The following SOX13 variants were observed in gnomAD, a reference collection of about 807,000 sequenced individuals.
SOX13 encodes SRY-box transcription factor 13.
SOX13 carries 28 observed loss-of-function variants against 71.8 expected under a neutral mutation model. That is an observed-to-expected ratio of 0.39 (90% confidence interval 0.29 to 0.53). SOX13 has a LOEUF of 0.53. SOX13 is among the 20% of genes least tolerant of loss of function. The pLI, the probability that SOX13 is intolerant of heterozygous loss-of-function variation, is 0.70. For missense variants in SOX13, 627 were observed against 810.3 expected (o/e 0.77, Z 2.75); for synonymous variants, 309 against 317.8 (o/e 0.97, Z 0.29).
At chr1:204,084,214 C>T (rs1450663510) in intron 1 of SOX13, among the ~76,000 whole-genome samples, 2 of 152,158 alleles carry the variant, frequency 1.3e-5, no homozygotes, top group South Asian at 2.1e-4. Context: ...CACTACCATA[C>T]GTGGGGGCCC....
At chr1:204,110,304 T>G (rs186707465) in intron 1 of SOX13, among the ~76,000 whole-genome samples, 256 of 149,720 alleles carry the variant, frequency 1.7e-3, no homozygotes, top group African/African-American at 6.1e-3. Flanking sequence ...ATTTTTGTAT[T>G]CTTTTGTAGA....
Position 204,126,138 on chromosome 1 carries a change from C to CG in SOX13, c.*6dup. ...GTTGGTGGTGCTCACAGACTGATCC[C>CG]GGCTGGGTGGGCCTGGCCCCTTCTC... On this transcript the variant is annotated 3_prime_UTR_variant, in exon 14 of 14. Coordinates refer to ENST00000367204, the MANE Select transcript of SOX13 (RefSeq NM_005686.3). The CG allele has an allele frequency of 1.2e-6, 2 of 1,612,216 alleles. No individual in the cohort carries two copies. The highest frequency in any genetic ancestry group is 1.7e-6 in the Non-Finnish European group (2 of 1,178,580).
At chr1:204,105,425 A>ATTTT (rs1461685972) in intron 1 of SOX13, among the ~76,000 whole-genome samples, 4 of 68,014 alleles carry the variant, frequency 5.9e-5, no homozygotes, top group African/African-American at 3.6e-4. Context: ...TTTTTTTTTG[A>ATTTT]GACAGAGTCT....
intron 4 of SOX13, 181 bp from the exon 5 acceptor site, chr1:204,116,326 G>A (rs1305639539): frequency 1.9e-6 from 3 of 1,543,978 alleles, no homozygotes; most frequent in Non-Finnish European, 2.6e-6. Flanking sequence ...TTGCCAGGTA[G>A]CAACATGAAG....
At chr1:204,120,974 T>G (rs1164370715) in intron 7 of SOX13, among the ~76,000 whole-genome samples, 3 of 149,516 alleles carry the variant, frequency 2.0e-5, no homozygotes, top group Non-Finnish European at 4.4e-5. Context: ...TTTTGAAAAT[T>G]TTAAATTCTT....
At chr1:204,085,978 A>G (rs1246508262) in intron 1 of SOX13, among the ~76,000 whole-genome samples, 2 of 152,080 alleles carry the variant, frequency 1.3e-5, no homozygotes, top group Non-Finnish European at 2.9e-5. Context: ...CAAAAAAAAA[A>G]AAAAAGAAAA....
Position 204,123,543 on chromosome 1 carries a change from C to T in SOX13, c.1232-118C>T. 1 of 1,109,460 alleles carries T rather than the reference C, an allele frequency of 9.0e-7. No homozygotes were observed. The highest frequency in any genetic ancestry group is 1.3e-6 in the Non-Finnish European group (1 of 788,814). 68.7% of individuals were successfully genotyped at this position (1,109,460 alleles called of 1,614,324 possible). A position where few individuals can be genotyped will look rare whatever the true frequency, so the allele number is the denominator to read the frequency against. On this transcript the variant is annotated intron_variant, in intron 11 of 13. Transcript: ENST00000367204. The surrounding 1 kb of genome is among the most constrained non-coding windows in gnomAD (Gnocchi z 5.0). ...TGCCTTGCTCCTCCTCGGCTGGCTG[C>T]TGTGGGAGCCTCCTCAGTGCCTCCT...
At chr1:204,116,781 G>A in intron 5 of SOX13, 102 bp downstream of exon 5, 1 of 1,538,044 alleles carries the variant, frequency 6.5e-7, no homozygotes, top group Non-Finnish European at 8.7e-7. Flanking sequence ...TGCAAGCTGG[G>A]GCCTGGGGGC....
At chr1:204,122,157 C>T in intron 8 of SOX13, 80 bp from the exon 9 acceptor site, 1 of 1,275,388 alleles carries the variant, frequency 7.8e-7, no homozygotes, top group East Asian at 2.5e-5. Context: ...TCTGGGTATG[C>T]TCACCTCACT....
At chr1:204,077,255 A>G (rs1351762671) in intron 1 of SOX13, among the ~76,000 whole-genome samples, 1 of 152,212 alleles carries the variant, frequency 6.6e-6, no homozygotes, top group Non-Finnish European at 1.5e-5. Flanking sequence ...AGGAGAGCCA[A>G]AGCCTGGTAA....
chr1:204,124,757 A>G lies in SOX13; in HGVS notation c.1492A>G (p.Lys498Glu). 1 of 1,609,152 alleles carries G rather than the reference A, an allele frequency of 6.2e-7. No individual in the cohort carries two copies. The highest frequency in any genetic ancestry group is 8.5e-7 in the Non-Finnish European group (1 of 1,178,036). Reference protein sequence around the residue: ...YPDYKYKPRPKRTCIVEGKRL... With the variant: ...YPDYKYKPRPERTCIVEGKRL... The stretch of plus-strand genomic sequence containing the variant: ...TGACTACAAGTACAAGCCGCGGCCC[A>G]AGCGCACCTGCATCGTGGAGGGCAA... Residue 498 changes from lysine (K) to glutamate (E), a missense_variant, in exon 13 of 14, where the codon AAG becomes GAG. By Grantham distance (56) the Lys-to-Glu change is moderately conservative (BLOSUM62 1). Transcript: ENST00000367204.
In SOX13 at chr1:204,114,477, G is replaced by A. The variant is rs772501396; in HGVS notation, c.332-42G>A. On this transcript the variant is annotated intron_variant, in intron 3 of 13. Coordinates refer to ENST00000367204, the MANE Select transcript of SOX13 (RefSeq NM_005686.3). ...TAGAAGCAGAGGCCTGAGGCAGGGA[G>A]GTGTTAAGACGGTTATTCCTCACCC... 7 of 1,604,460 alleles carry A rather than the reference G, an allele frequency of 4.4e-6. No homozygotes were observed. The Admixed American group carries it at 5.0e-5, about 11-fold the overall frequency.
At chr1:204,080,045 T>C (rs968018021) in intron 1 of SOX13, among the ~76,000 whole-genome samples, 2 of 152,042 alleles carry the variant, frequency 1.3e-5, no homozygotes, top group East Asian at 3.9e-4. Flanking sequence ...GGGGTGTTTT[T>C]TGGGGGAGCG....
Position 204,124,729 on chromosome 1 carries a change from T to C in SOX13, c.1464T>C (p.Tyr488=). The change falls in exon 13 of 14, where the codon TAT becomes TAC. Residue 488 remains tyrosine, a synonymous_variant. Coordinates refer to ENST00000367204, the MANE Select transcript of SOX13 (RefSeq NM_005686.3). ...TGAGCCGGCAGCACCTGGAGAAGTA[T>C]CCTGACTACAAGTACAAGCCGCGGC... ...ARLSRQHLEK[Y]PDYKYKPRPK... is the part of the protein sequence containing the mutation. The C allele has an allele frequency of 1.2e-6, 2 of 1,612,918 alleles. No homozygotes were observed. The highest frequency in any genetic ancestry group is 1.7e-6 in the Non-Finnish European group (2 of 1,179,548).
At chr1:204,099,975 C>G (rs988923699) in intron 1 of SOX13, among the ~76,000 whole-genome samples, 2 of 151,954 alleles carry the variant, frequency 1.3e-5, no homozygotes, top group South Asian at 2.1e-4. Flanking sequence ...GACCCTGTCA[C>G]TATAAAAAAT....
rs748618667 is a variant in SOX13, at chr1:204,114,376, C to T, written c.275C>T (p.Ser92Leu). The change falls in exon 3 of 14, where the codon TCG (serine) becomes TTG (leucine). Residue 92 changes from serine (S) to leucine (L), a missense_variant. By Grantham distance (145) the Ser-to-Leu change is moderately radical. Transcript: ENST00000367204. ...CCAGAACCCAAGAGACCAGGAGTGT[C>T]GGAGGCTGCCTCTGGAAGCCAGGAG... ...GSPEPKRPGV[S>L]EAASGSQEKL... The T allele has an allele frequency of 1.4e-5, 23 of 1,612,026 alleles. No homozygotes were observed. Among genetic ancestry groups the T allele is most frequent in the South Asian group, 5.5e-5 (5 of 90,550 alleles).
rs116173015 is a variant in SOX13, at chr1:204,087,460, C to T, written c.-2+13749C>T. Among the ~76,000 whole-genome samples, 897 of 152,348 alleles carry T rather than the reference C, an allele frequency of 5.9e-3. 10 individuals carry two copies. The highest frequency in any genetic ancestry group is 0.019 in the African/African-American group (795 of 41,594). On this transcript the variant is annotated intron_variant, in intron 1 of 13. Transcript: ENST00000367204. ...CCTGTGCATGAGGCAGTAGGCCCCC[C>T]TGTCCCACCTTTTCTTATGGGAGCA...
intron 1 of SOX13, among the ~76,000 whole-genome samples, chr1:204,099,944 C>G (rs1656328180): frequency 6.6e-6 from 1 of 152,006 alleles, no homozygotes; most frequent in Non-Finnish European, 1.5e-5. Context: ...GAGTTCAAGA[C>G]CAGTCTGGGC....
intron 13 of SOX13, 101 bp downstream of exon 13, chr1:204,124,958 C>T: frequency 3.5e-6 from 3 of 856,940 alleles, no homozygotes; most frequent in South Asian, 3.1e-5. Context: ...GTGTGTGACC[C>T]CAGGGGTGCT....
Sources: gnomAD v4.1 joint callset for allele counts (sites outside exome capture counted in the v4.1 genomes callset) on GRCh38, gnomAD v4.1.1 for gene constraint, Gnocchi (gnomAD v3.1) non-coding constraint, MANE v1.5 for transcripts, NCBI Gene and HGNC (gene_info 2026-07-23, HGNC 2026-07-21) for gene names.